NCAM2: variants seen among roughly 807,000 people sequenced by gnomAD.
The protein encoded by NCAM2 is neural cell adhesion molecule 2, also known as N-CAM-2.
NCAM2 carries 30 observed loss-of-function variants against 98.1 expected under a neutral mutation model. The ratio of observed to expected loss-of-function variants is 0.31; its 90% CI spans 0.23 to 0.41. NCAM2 has a LOEUF of 0.41. NCAM2 is among the 10% of genes least tolerant of loss of function. NCAM2 has a pLI of 1.00. For synonymous variants in NCAM2, 368 were observed against 342.4 expected (o/e 1.07, Z -0.83); for missense variants, 867 against 1,005.8 (o/e 0.86, Z 1.87).
chr21:21,368,706 G>C (rs1413255379), intron 8 of NCAM2, among the ~76,000 whole-genome samples: 1 of 151,780 alleles, frequency 6.6e-6, no homozygotes, highest in Non-Finnish European at 1.5e-5. Context: ...TTACCATCAT[G>C]ATCTAATCAA....
At chr21:21,449,466 AGC>A (rs1428902609) in intron 12 of NCAM2, among the ~76,000 whole-genome samples, 3 of 151,990 alleles carry the variant, frequency 2.0e-5, no homozygotes, top group Admixed American at 1.3e-4. Context: ...GCTAGAATGT[AGC>A]TTTTAAGTCC....
intron 12 of NCAM2, among the ~76,000 whole-genome samples, chr21:21,465,802 G>A (rs1210473223): frequency 6.6e-6 from 1 of 151,824 alleles, no homozygotes; most frequent in Non-Finnish European, 1.5e-5. Flanking sequence ...GCTTTCTTTA[G>A]CAAAAGCATT....
chr21:21,282,980 G>T (rs1221976763), intron 2 of NCAM2, among the ~76,000 whole-genome samples: 1 of 151,698 alleles, frequency 6.6e-6, no homozygotes, highest in African/African-American at 2.4e-5. Flanking sequence ...ATATTATTTT[G>T]TATTATTCAA....
intron 15 of NCAM2, among the ~76,000 whole-genome samples, 200 bp from the exon 16 acceptor site, chr21:21,508,651 T>C (rs1411143528): frequency 6.6e-6 from 1 of 151,970 alleles, no homozygotes. Context: ...GCTTAAAATA[T>C]TGTTTGAAAC....
In NCAM2 at chr21:21,414,493, G is replaced by A. The variant is rs534688131; in HGVS notation, c.1384-3980G>A. ...TGTGTGTTTTTTTTTTTTTTTGAGA[G>A]GGAGTCTCGCTCTGTCGCCCAGGCT... On this transcript the variant is annotated intron_variant, in intron 10 of 17. Coordinates refer to ENST00000400546, the MANE Select transcript of NCAM2 (RefSeq NM_004540.5). 7.9e-4 allele frequency among the ~76,000 whole-genome samples: 109 copies of A among 138,000 alleles called. 1 individual carries two copies. The highest frequency in any genetic ancestry group is 2.8e-3 in the African/African-American group (103 of 37,332). The allele number at this position is 138,000 out of a possible 152,430, so 90.5% of individuals were successfully genotyped here.
intron 1 of NCAM2, among the ~76,000 whole-genome samples, chr21:21,202,083 G>T (rs1384798994): frequency 6.6e-6 from 1 of 152,168 alleles, no homozygotes; most frequent in African/African-American, 2.4e-5. Flanking sequence ...TTTAAAAGGG[G>T]AAGGAGCATA....
chr21:21,001,737 A>C (rs2146100719), intron 1 of NCAM2, among the ~76,000 whole-genome samples: 1 of 152,322 alleles, frequency 6.6e-6, no homozygotes, highest in African/African-American at 2.4e-5. Flanking sequence ...AATGCTATTC[A>C]TCTCTCTTGC....
chr21:21,247,971 T>A (rs975047400), intron 1 of NCAM2, among the ~76,000 whole-genome samples: 1 of 152,170 alleles, frequency 6.6e-6, no homozygotes, highest in Admixed American at 6.6e-5. Flanking sequence ...TTTAAATTCC[T>A]GTAGTTGGGG....
intron 1 of NCAM2, among the ~76,000 whole-genome samples, chr21:21,220,292 T>C (rs958483347): frequency 6.6e-6 from 1 of 152,174 alleles, no homozygotes; most frequent in Admixed American, 6.5e-5. Context: ...ATGTCATACA[T>C]AGGCATATTA....
intron 1 of NCAM2, among the ~76,000 whole-genome samples, chr21:21,263,667 T>A (rs964419959): frequency 6.6e-6 from 1 of 151,910 alleles, no homozygotes; most frequent in African/African-American, 2.4e-5. Context: ...GATACATAGA[T>A]CAATGAAACA....
In NCAM2 at chr21:21,106,397, C is replaced by A. The variant is rs140638805; in HGVS notation, c.55+107779C>A. ...ATGATGTTTCTTTCTTTAGATTTTT[C>A]TTTATTTAGAGATTCTTTGTGCCAA... On this transcript the variant is annotated intron_variant, in intron 1 of 17. Coordinates refer to ENST00000400546, the MANE Select transcript of NCAM2 (RefSeq NM_004540.5). Among the ~76,000 whole-genome samples, 492 of 139,970 alleles carry A rather than the reference C, an allele frequency of 3.5e-3. 16 individuals are homozygous for A. Among genetic ancestry groups the A allele is most frequent in the East Asian group, 0.03 (142 of 4,668 alleles). 91.8% of individuals were successfully genotyped at this position (139,970 alleles called of 152,430 possible).
intron 1 of NCAM2, among the ~76,000 whole-genome samples, chr21:21,097,387 A>T (rs2066145562): frequency 6.6e-6 from 1 of 151,752 alleles, no homozygotes; most frequent in Non-Finnish European, 1.5e-5. Context: ...TAAACAGTGG[A>T]AACGAGTTTC....
At chr21:21,141,333 C>T (rs567486826) in intron 1 of NCAM2, among the ~76,000 whole-genome samples, 1 of 152,220 alleles carries the variant, frequency 6.6e-6, no homozygotes, top group Admixed American at 6.5e-5. Flanking sequence ...ATGTTAGCAG[C>T]TATTGATGAT....
intron 9 of NCAM2, 127 bp downstream of exon 9, chr21:21,374,140 A>G: frequency 1.3e-6 from 1 of 790,672 alleles, no homozygotes; most frequent in East Asian, 3.0e-5. Flanking sequence ...CTTTAGAGGA[A>G]ATATAGGAAT....
intron 13 of NCAM2, 43 bp downstream of exon 13, chr21:21,466,768 T>A: frequency 6.4e-7 from 1 of 1,550,812 alleles, no homozygotes; most frequent in Non-Finnish European, 8.7e-7. Flanking sequence ...TGTCATTTTC[T>A]TCACTTGCAA....
intron 15 of NCAM2, among the ~76,000 whole-genome samples, chr21:21,493,507 A>G (rs948887955): frequency 2.6e-5 from 4 of 151,902 alleles, no homozygotes; most frequent in African/African-American, 7.2e-5. Context: ...TCTAACACCC[A>G]AGTGGTACCT....
At chr21:21,015,144 G>A (rs181298817) in intron 1 of NCAM2, among the ~76,000 whole-genome samples, 127 of 152,286 alleles carry the variant, frequency 8.3e-4, no homozygotes, top group Non-Finnish European at 1.3e-3. Context: ...AAGATGTTCT[G>A]AACCTTATTG....
intron 5 of NCAM2, among the ~76,000 whole-genome samples, chr21:21,305,290 C>T (rs2147673262): frequency 6.6e-6 from 1 of 152,162 alleles, no homozygotes; most frequent in Middle Eastern, 3.4e-3. Context: ...TGCACTCCAG[C>T]CTGGGCGATA....
intron 1 of NCAM2, among the ~76,000 whole-genome samples, chr21:21,093,976 T>A (rs564516354): frequency 1.3e-5 from 2 of 152,150 alleles, no homozygotes; most frequent in South Asian, 4.1e-4. Flanking sequence ...GTGGGTCAAA[T>A]GCCTCTTTTC....
Sources: allele counts gnomAD v4.1 joint callset (sites outside exome capture counted in the v4.1 genomes callset), GRCh38; gene constraint gnomAD v4.1.1; transcripts MANE v1.5; gene names NCBI Gene and HGNC (gene_info 2026-07-23, HGNC 2026-07-21).